The following USP50 variants were observed in gnomAD, a reference collection of about 807,000 sequenced individuals.
The protein encoded by USP50 is ubiquitin carboxyl-terminal hydrolase 50.
Under a neutral mutation model 39.2 loss-of-function variants are expected in USP50, and 37 were observed. That is an observed-to-expected ratio of 0.94 (90% CI 0.73 to 1.24). The LOEUF (loss-of-function observed/expected upper bound fraction) is 1.24, where lower values mean the gene tolerates loss of function less well. USP50 is among the 50% of genes most tolerant of loss of function. The pLI is 0.00. For missense variants in USP50, 374 were observed against 398.2 expected (o/e 0.94, Z 0.52); for synonymous variants, 139 against 144.5 (o/e 0.96, Z 0.27).
At chr15:50,506,739 C>T (rs1202479857) in intron 6 of USP50, 1 of 151,994 alleles carries the variant, frequency 6.6e-6, no homozygotes, top group East Asian at 1.9e-4. Context: ...GGGGGCGGAT[C>T]ACGAGGTCAG....
chr15:50,529,975 C>T, intron 5 of USP50, 46 bp from the exon 6 acceptor site: 1 of 1,607,420 alleles, frequency 6.2e-7, no homozygotes, highest in Non-Finnish European at 8.5e-7. Context: ...GCTTGTGAAC[C>T]ACTCATTTGT....
intron 6 of USP50, chr15:50,507,462 AAGCTGAAGT>A (rs1336925667): frequency 6.6e-6 from 1 of 152,176 alleles, no homozygotes; most frequent in African/African-American, 2.4e-5. Context: ...GACCAAGAGA[AAGCTGAAGT>A]AGCTATACAT....
At chr15:50,538,145 C>T (rs2135450) in intron 5 of USP50, among the ~76,000 whole-genome samples, 2 of 150,852 alleles carry the variant, frequency 1.3e-5, no homozygotes, top group Admixed American at 6.6e-5. Flanking sequence ...GGTGCGGTGG[C>T]GTGCACCTGT....
chr15:50,511,279 C>T (rs2052736528), intron 6 of USP50: 1 of 152,088 alleles, frequency 6.6e-6, no homozygotes, highest in Non-Finnish European at 1.5e-5. Flanking sequence ...GTAACAAGTT[C>T]GGTTGAGGAT....
intron 6 of USP50, among the ~76,000 whole-genome samples, chr15:50,525,558 A>ATG (rs1458207677): frequency 1.9e-5 from 2 of 107,284 alleles, no homozygotes; most frequent in South Asian, 2.8e-4. Flanking sequence ...ATATATGTGT[A>ATG]TATATGTATA....
chr15:50,493,199 G>A (rs1438613575), downstream of USP50: 8 of 520,406 alleles, frequency 1.5e-5, no homozygotes, highest in Non-Finnish European at 2.2e-5. Flanking sequence ...CTGTTCACCC[G>A]GGAGGGGAGC....
At position 50,529,969 on chromosome 15, in the gene USP50, G is replaced by T. The variant is rs780369336; in HGVS notation, c.804-40C>A. On this transcript the variant is annotated intron_variant, in intron 5 of 6. Transcript: ENST00000532404. ...AATGTGTGAAATACAAAGTAAGCTT[G>T]TGAACCACTCATTTGTCTACATGAC... The T allele has an allele frequency of 3.1e-6, 5 of 1,609,674 alleles. No individual in the cohort carries two copies. The South Asian group carries it at 5.5e-5, about 18-fold the overall frequency.
intron 6 of USP50, chr15:50,501,740 A>G (rs980572077): frequency 1.3e-5 from 2 of 152,122 alleles, no homozygotes; most frequent in African/African-American, 4.8e-5. Flanking sequence ...AGGAGGTGTT[A>G]TGGTGTATGA....
chr15:50,505,303 A>G (rs2141343660), intron 6 of USP50: 1 of 152,320 alleles, frequency 6.6e-6, no homozygotes, highest in South Asian at 2.1e-4. Context: ...AAGAGAGTTT[A>G]CCCACAAGAA....
chr15:50,530,519 G>A (rs1291890892), intron 5 of USP50, among the ~76,000 whole-genome samples: 1 of 151,778 alleles, frequency 6.6e-6, no homozygotes, highest in Non-Finnish European at 1.5e-5. Flanking sequence ...GGGAGGCGAA[G>A]GTTACAGTGA....
At chr15:50,513,498 G>A (rs530288143) in intron 6 of USP50, 9 of 138,594 alleles carry the variant, frequency 6.5e-5, no homozygotes, top group Admixed American at 1.5e-4. Context: ...TCATGAGTTC[G>A]AGACAAGAGC....
At chr15:50,534,907 G>A (rs542281995) in intron 5 of USP50, among the ~76,000 whole-genome samples, 13 of 152,236 alleles carry the variant, frequency 8.5e-5, no homozygotes, top group Admixed American at 6.5e-4. Flanking sequence ...TTGGGAGGCC[G>A]AGGTGGGCGG....
chr15:50,543,935 G>A, intron 2 of USP50, 142 bp from the exon 3 acceptor site: 2 of 755,492 alleles, frequency 2.6e-6, no homozygotes, highest in South Asian at 3.4e-5. Context: ...GGCCAATGCA[G>A]GAGGATAGCT....
downstream of USP50, chr15:50,498,872 T>A: frequency 6.4e-7 from 1 of 1,567,688 alleles, no homozygotes; most frequent in South Asian, 1.2e-5. Context: ...TTTAACTGAA[T>A]TGATTTTTTT....
intron 3 of USP50, 127 bp from the exon 4 acceptor site, chr15:50,541,391 T>C: frequency 1.4e-6 from 1 of 705,102 alleles, no homozygotes; most frequent in Non-Finnish European, 2.3e-6. Context: ...CACACATCTG[T>C]GGTGCCAGCT....
chr15:50,534,097 G>A (rs1253371604), intron 5 of USP50, among the ~76,000 whole-genome samples: 1 of 152,082 alleles, frequency 6.6e-6, no homozygotes, highest in African/African-American at 2.4e-5. Flanking sequence ...GAAGGAATAA[G>A]TGAAGGTAAA....
At chr15:50,505,664 AAAATT>A (rs1194278597) in intron 6 of USP50, 8 of 152,286 alleles carry the variant, frequency 5.3e-5, no homozygotes, top group African/African-American at 1.9e-4. Context: ...GGCATATTAA[AAAATT>A]AAAAACCGGC....
chr15:50,516,021 A>AG (rs2052800947), intron 6 of USP50, among the ~76,000 whole-genome samples: 2 of 152,216 alleles, frequency 1.3e-5, no homozygotes, highest in Non-Finnish European at 2.9e-5. Flanking sequence ...TAAAATGTTG[A>AG]GGGGGAGTAA....
intron 6 of USP50, among the ~76,000 whole-genome samples, chr15:50,521,895 C>T (rs985978812): frequency 8.6e-5 from 13 of 152,032 alleles, no homozygotes; most frequent in Non-Finnish European, 1.5e-4. Context: ...ATCCAGGAGG[C>T]GGAGATTGCA....
Sources: allele counts gnomAD v4.1 joint callset (sites outside exome capture counted in the v4.1 genomes callset), GRCh38; gene constraint gnomAD v4.1.1; transcripts MANE v1.5; gene names NCBI Gene and HGNC (gene_info 2026-07-23, HGNC 2026-07-21).